Variants in GRB10 observed in about 807,000 individuals in gnomAD.
The protein encoded by GRB10 is growth factor receptor bound protein 10.
GRB10 carries 20 observed loss-of-function variants against 80.9 expected under a neutral mutation model. The ratio of observed to expected loss-of-function variants is 0.25; its 90% CI spans 0.17 to 0.36. The LOEUF (loss-of-function observed/expected upper bound fraction) is 0.36. GRB10 is among the 10% of genes least tolerant of loss of function. GRB10 has a pLI of 1.00. For synonymous variants in GRB10, 291 were observed against 291.5 expected (o/e 1.00, Z 0.02); for missense variants, 548 against 747.7 (o/e 0.73, Z 3.12).
chr7:50,610,139 G>C (rs2049252533), intron 13 of GRB10, among the ~76,000 whole-genome samples: 1 of 152,144 alleles, frequency 6.6e-6, no homozygotes, highest in African/African-American at 2.4e-5. Flanking sequence ...TCTGGAGGAA[G>C]GCAGAGCACA....
chr7:50,669,591 A>G (rs917699288), intron 7 of GRB10, 131 bp downstream of exon 7: 1 of 882,486 alleles, frequency 1.1e-6, no homozygotes. Context: ...TGTGACAACA[A>G]GAAAAGAACT....
intron 4 of GRB10, among the ~76,000 whole-genome samples, chr7:50,713,285 G>GTCACTA: frequency 6.6e-6 from 1 of 151,606 alleles, no homozygotes; most frequent in East Asian, 1.9e-4. Flanking sequence ...CTCCTCTGCG[G>GTCACTA]TCACTACCTC....
At chr7:50,630,852 A>T (rs2237442) in intron 7 of GRB10, among the ~76,000 whole-genome samples, 1 of 152,128 alleles carries the variant, frequency 6.6e-6, no homozygotes, top group African/African-American at 2.4e-5. Flanking sequence ...ATCCCGTTAT[A>T]AAAGCCCTGA....
chr7:50,744,366 G>A (rs1478647854), intron 3 of GRB10, among the ~76,000 whole-genome samples: 9 of 152,162 alleles, frequency 5.9e-5, no homozygotes. Context: ...GGAGAAGGAT[G>A]GGGAGAGAAG....
intron 5 of GRB10, among the ~76,000 whole-genome samples, chr7:50,697,859 C>A (rs1232621768): frequency 6.6e-6 from 1 of 152,186 alleles, no homozygotes; most frequent in African/African-American, 2.4e-5. Context: ...CCTTTGTACC[C>A]AGTGCCAGGG....
At chr7:50,607,065 T>C (rs1009462228) in intron 13 of GRB10, 9 of 154,062 alleles carry the variant, frequency 5.8e-5, no homozygotes, top group Admixed American at 5.8e-4. Context: ...TACTACAACA[T>C]GCAATTTATT....
intron 1 of GRB10, chr7:50,781,541 G>A (rs1452551373): frequency 6.6e-6 from 1 of 152,220 alleles, no homozygotes; most frequent in African/African-American, 2.4e-5. Flanking sequence ...GAACAATGAG[G>A]AAAGACACCC....
intron 6 of GRB10, among the ~76,000 whole-genome samples, chr7:50,672,297 C>A (rs183580840): frequency 6.6e-4 from 101 of 152,324 alleles, no homozygotes; most frequent in Non-Finnish European, 9.8e-4. Flanking sequence ...AGCCCAGTTA[C>A]CGCCCCGCTG....
At chr7:50,737,607 G>A (rs1015042361) in intron 3 of GRB10, among the ~76,000 whole-genome samples, 15 of 152,238 alleles carry the variant, frequency 9.9e-5, no homozygotes, top group Middle Eastern at 3.4e-3. Flanking sequence ...CCAACACTTC[G>A]GGAGGCCGAG....
At chr7:50,658,838 C>T (rs1483622050) in intron 7 of GRB10, among the ~76,000 whole-genome samples, 1 of 152,220 alleles carries the variant, frequency 6.6e-6, no homozygotes, top group Non-Finnish European at 1.5e-5. Flanking sequence ...ACGACTGCCT[C>T]GCTGCAATTG....
intron 4 of GRB10, among the ~76,000 whole-genome samples, chr7:50,717,437 G>A (rs1444831232): frequency 1.7e-5 from 2 of 114,900 alleles, no homozygotes; most frequent in Non-Finnish European, 3.6e-5. Flanking sequence ...TCACTCACAT[G>A]AGAAGCTTGA....
chr7:50,697,091 G>A (rs2063527137), intron 5 of GRB10, among the ~76,000 whole-genome samples: 1 of 152,186 alleles, frequency 6.6e-6, no homozygotes, highest in African/African-American at 2.4e-5. Flanking sequence ...CTTACATGAG[G>A]TACTAAGAAC....
chr7:50,731,048 G>A (rs1275625760), intron 4 of GRB10, among the ~76,000 whole-genome samples: 1 of 152,128 alleles, frequency 6.6e-6, no homozygotes, highest in Non-Finnish European at 1.5e-5. Context: ...GCAGCACAGA[G>A]CTTTAATCAA....
At position 50,670,297 on chromosome 7, in the gene GRB10, G is replaced by C. The variant is rs1041324959; in HGVS notation, c.363-434C>G. ...AAGGGGAGGGCAATGGGGAATCGCTGTTTATTGGGGACAGAGTTTCAGTTT... is the reference window on the plus strand; with the variant it reads ...AAGGGGAGGGCAATGGGGAATCGCTCTTTATTGGGGACAGAGTTTCAGTTT... On this transcript the variant is annotated intron_variant, in intron 6 of 18. Coordinates refer to ENST00000401949, the MANE Select transcript of GRB10 (RefSeq NM_001350814.2). 5.9e-5 allele frequency among the ~76,000 whole-genome samples: 9 copies of C among 152,174 alleles called. 1 individual carries two copies. Among genetic ancestry groups the C allele is most frequent in the Admixed American group, 5.9e-4 (9 of 15,290 alleles).
At chr7:50,699,506 G>C (rs1244681222) in intron 5 of GRB10, among the ~76,000 whole-genome samples, 1 of 152,138 alleles carries the variant, frequency 6.6e-6, no homozygotes, top group South Asian at 2.1e-4. Context: ...TCTTCTGCCA[G>C]GTGAAATGAT....
At chr7:50,669,669 C>T (rs931232677) in intron 7 of GRB10, 53 bp downstream of exon 7, 113 of 1,549,028 alleles carry the variant, frequency 7.3e-5, no homozygotes, top group Non-Finnish European at 9.6e-5. Context: ...CTGTGCAGAT[C>T]CCAATAATCT....
chr7:50,676,098 C>T (rs936270573), intron 5 of GRB10, among the ~76,000 whole-genome samples: 1 of 152,200 alleles, frequency 6.6e-6, no homozygotes, highest in Non-Finnish European at 1.5e-5. Flanking sequence ...TTCGTCCTCT[C>T]TTCTGCTCCC....
chr7:50,752,845 G>A (rs916631085), intron 3 of GRB10, among the ~76,000 whole-genome samples: 1 of 152,184 alleles, frequency 6.6e-6, no homozygotes, highest in Non-Finnish European at 1.5e-5. Flanking sequence ...TCTCCCATGA[G>A]AACAAGACAA....
At chr7:50,594,664 T>C (rs527366894) in intron 18 of GRB10, among the ~76,000 whole-genome samples, 10 of 152,238 alleles carry the variant, frequency 6.6e-5, no homozygotes, top group Non-Finnish European at 1.0e-4. Context: ...ATTAATTTTG[T>C]GTATTGTATT....
Sources: allele counts gnomAD v4.1 joint callset (sites outside exome capture counted in the v4.1 genomes callset), GRCh38; gene constraint gnomAD v4.1.1; transcripts MANE v1.5; gene names NCBI Gene and HGNC (gene_info 2026-07-23, HGNC 2026-07-21).